The following NCKAP5 variants were observed in gnomAD, a reference collection of about 807,000 sequenced individuals.
NCKAP5 encodes the protein nck-associated protein 5.
In NCKAP5, 92 loss-of-function variants were observed where a neutral mutation model predicts 167.0. That is an observed-to-expected ratio of 0.55 (90% CI 0.47 to 0.66). The LOEUF (loss-of-function observed/expected upper bound fraction) is 0.66, where lower values mean the gene tolerates loss of function less well. Ranked by LOEUF, NCKAP5 falls within the 30% of genes least tolerant of loss-of-function variation. The probability of loss-of-function intolerance (pLI) is 0.00; values close to 1 mark genes in which losing one functional copy is unlikely to be tolerated. For missense variants in NCKAP5, 2,378 were observed against 2,315.0 expected (o/e 1.03, Z -0.56); for synonymous variants, 891 against 877.4 (o/e 1.02, Z -0.27).
At chr2:133,526,880 C>A (rs1043628633) in intron 2 of NCKAP5, among the ~76,000 whole-genome samples, 3 of 152,006 alleles carry the variant, frequency 2.0e-5, no homozygotes, top group African/African-American at 7.2e-5. Flanking sequence ...ACACATAACC[C>A]CAGTGGATTG....
intron 11 of NCKAP5, among the ~76,000 whole-genome samples, chr2:132,834,173 T>G (rs1370928627): frequency 6.6e-6 from 1 of 152,130 alleles, no homozygotes; most frequent in Non-Finnish European, 1.5e-5. Flanking sequence ...TAATTTGACT[T>G]CCTTTTTTTC....
intron 11 of NCKAP5, among the ~76,000 whole-genome samples, chr2:132,837,544 C>T (rs953958895): frequency 6.6e-6 from 1 of 150,952 alleles, no homozygotes; most frequent in East Asian, 2.0e-4. Flanking sequence ...TCTCTGATCT[C>T]TTTGTATAGT....
the NCKAP5 span, among the ~76,000 whole-genome samples, chr2:133,592,024 G>T: frequency 2.0e-5 from 3 of 150,454 alleles, no homozygotes; most frequent in African/African-American, 4.9e-5. Context: ...ACAAATGCAC[G>T]TTTATTCTTT....
At chr2:133,342,219 T>C (rs1371970831) in intron 3 of NCKAP5, among the ~76,000 whole-genome samples, 1 of 152,068 alleles carries the variant, frequency 6.6e-6, no homozygotes, top group African/African-American at 2.4e-5. Context: ...CTAAACATTC[T>C]TTAGGGCTTC....
At chr2:133,052,542 A>C (rs1291075788) in intron 6 of NCKAP5, among the ~76,000 whole-genome samples, 1 of 152,056 alleles carries the variant, frequency 6.6e-6, no homozygotes, top group African/African-American at 2.4e-5. Flanking sequence ...AAATGGCGAA[A>C]ACTCATCTCT....
intron 6 of NCKAP5, among the ~76,000 whole-genome samples, chr2:132,994,675 G>A (rs1052192450): frequency 6.6e-6 from 1 of 152,176 alleles, no homozygotes; most frequent in Non-Finnish European, 1.5e-5. Context: ...GTCTTTCTAT[G>A]ACAGCACGTA....
At chr2:132,737,341 G>A (rs987476593) in intron 16 of NCKAP5, among the ~76,000 whole-genome samples, 1 of 152,126 alleles carries the variant, frequency 6.6e-6, no homozygotes, top group African/African-American at 2.4e-5. Context: ...GACCTTTTCA[G>A]TCTCCTAGAA....
chr2:132,721,324 G>GA (rs565011336), intron 19 of NCKAP5, among the ~76,000 whole-genome samples: 209 of 141,284 alleles, frequency 1.5e-3, no homozygotes, highest in African/African-American at 5.6e-3. Context: ...CAAAAGAAAA[G>GA]AAAAAAAGAA....
chr2:133,563,326 T>C (rs994149806), intron 1 of NCKAP5, among the ~76,000 whole-genome samples: 2 of 152,112 alleles, frequency 1.3e-5, no homozygotes, highest in Non-Finnish European at 2.9e-5. Context: ...ACCCCAGCAC[T>C]TTGGGTGACC....
chr2:132,880,838 C>T (rs926610308), intron 8 of NCKAP5, among the ~76,000 whole-genome samples: 3 of 152,194 alleles, frequency 2.0e-5, no homozygotes, highest in African/African-American at 4.8e-5. Flanking sequence ...CGTTTTGCCA[C>T]ATCTGCCATA....
chr2:133,537,668 T>A (rs953303476), intron 2 of NCKAP5, among the ~76,000 whole-genome samples: 1 of 152,160 alleles, frequency 6.6e-6, no homozygotes, highest in East Asian at 1.9e-4. Context: ...ATTCTAACTT[T>A]TTTGTTCTTT....
intron 5 of NCKAP5, among the ~76,000 whole-genome samples, chr2:133,201,211 C>G (rs1037536248): frequency 1.3e-5 from 2 of 152,150 alleles, no homozygotes; most frequent in African/African-American, 4.8e-5. Flanking sequence ...ATAAGAATGA[C>G]TCACATCGTC....
At chr2:133,063,834 T>C (rs1391368123) in intron 6 of NCKAP5, among the ~76,000 whole-genome samples, 2 of 152,224 alleles carry the variant, frequency 1.3e-5, no homozygotes. Flanking sequence ...AAACTTAAGA[T>C]ATTTAACTGA....
At chr2:132,902,012 A>G (rs1693666139) in intron 8 of NCKAP5, among the ~76,000 whole-genome samples, 1 of 152,202 alleles carries the variant, frequency 6.6e-6, no homozygotes, top group Non-Finnish European at 1.5e-5. Context: ...GTTTCACAGC[A>G]TTTGAAGATT....
chr2:132,786,116 T>C (rs1683544679), intron 13 of NCKAP5, among the ~76,000 whole-genome samples: 1 of 152,196 alleles, frequency 6.6e-6, no homozygotes, highest in Admixed American at 6.5e-5. Context: ...AAGGTATATA[T>C]ATTTTTTTCT....
At chr2:133,106,292 CAAAAAA>C (rs10612612) in intron 6 of NCKAP5, among the ~76,000 whole-genome samples, 2 of 76,854 alleles carry the variant, frequency 2.6e-5, no homozygotes, top group Admixed American at 1.4e-4. Context: ...GACTCCGTCT[CAAAAAA>C]AAAAAAAAAA....
chr2:133,103,429 C>T (rs1559141493), intron 6 of NCKAP5, among the ~76,000 whole-genome samples: 1 of 152,130 alleles, frequency 6.6e-6, no homozygotes, highest in South Asian at 2.1e-4. Context: ...CTCTCCAACC[C>T]CTGAGAATTA....
At chr2:133,328,891 A>G (rs1234198474) in intron 3 of NCKAP5, among the ~76,000 whole-genome samples, 2 of 152,210 alleles carry the variant, frequency 1.3e-5, no homozygotes, top group Non-Finnish European at 2.9e-5. Flanking sequence ...CAATCATAAT[A>G]TTAGAATTTG....
At chr2:133,468,061 T>G (rs1692737084) in intron 3 of NCKAP5, among the ~76,000 whole-genome samples, 1 of 113,492 alleles carries the variant, frequency 8.8e-6, no homozygotes, top group African/African-American at 4.1e-5. Context: ...AGCTTTTGAA[T>G]GTGTTTGCTC....
Sources: allele counts gnomAD v4.1 joint callset (sites outside exome capture counted in the v4.1 genomes callset), GRCh38; gene constraint gnomAD v4.1.1; transcripts MANE v1.5; gene names NCBI Gene and HGNC (gene_info 2026-07-23, HGNC 2026-07-21).